CALR: variants seen among roughly 807,000 people sequenced by gnomAD.
CALR encodes the protein calreticulin.
Under a neutral mutation model 51.1 loss-of-function variants are expected in CALR, and 15 were observed. The ratio of observed to expected loss-of-function variants is 0.29; its 90% CI spans 0.20 to 0.45. The LOEUF is 0.45. Ranked by LOEUF, CALR falls within the 20% of genes least tolerant of loss-of-function variation. The pLI, the probability that CALR is intolerant of heterozygous loss-of-function variation, is 1.00. For synonymous variants in CALR, 239 were observed against 205.9 expected (o/e 1.16, Z -1.38); for missense variants, 477 against 530.6 (o/e 0.90, Z 0.99).
Position 12,938,631 on chromosome 19 carries a change from C to A in CALR, c.-49C>A, listed in dbSNP as rs552795097. On this transcript the variant is annotated 5_prime_UTR_variant, in exon 1 of 9. Transcript: ENST00000316448. The stretch of plus-strand genomic sequence containing the variant: ...TCCGTCCGTACTGCAGAGCCGCTGC[C>A]GGAGGGTCGTTTTAAAGGGCCCGCG... The A allele has an allele frequency of 1.4e-5, 20 of 1,431,026 alleles. No individual in the cohort carries two copies. The highest frequency in any genetic ancestry group is 1.9e-5 in the Admixed American group (1 of 53,284). The allele number at this position is 1,431,026 out of a possible 1,614,324, so 88.6% of individuals were successfully genotyped here.
rs1006657580 is a variant in CALR at position 12,939,250 on chromosome 19, G to T, written c.193+15G>T. 6.4e-7 allele frequency: 1 copy of T among 1,573,030 alleles called. No individual in the cohort carries two copies. Among genetic ancestry groups the T allele is most frequent in the Non-Finnish European group, 8.7e-7 (1 of 1,147,072 alleles). ...GAAAGATAAAGGTAAGAGCCTAGGA[G>T]TGGGTGCTCAGATCCGGGAGGACTT... On this transcript the variant is annotated intron_variant, in intron 2 of 8. Coordinates refer to ENST00000316448, the MANE Select transcript of CALR (RefSeq NM_004343.4).
rs1971580872 is a variant in CALR at position 12,943,727 on chromosome 19, A to G, written c.1068A>G (p.Gln356=). The change falls in exon 9 of 9, where the codon CAA becomes CAG. Residue 356 remains glutamine, a synonymous_variant. Coordinates refer to ENST00000316448, the MANE Select transcript of CALR (RefSeq NM_004343.4). ...TCTGCCTGCAGGCAGCAGAGAAACA[A>G]ATGAAGGACAAACAGGACGAGGAGC... The part of the protein sequence containing the change: ...TWGVTKAAEK[Q]MKDKQDEEQR... 6.2e-7 allele frequency: 1 copy of G among 1,613,804 alleles called. No homozygotes were observed. Among genetic ancestry groups the G allele is most frequent in the Admixed American group, 1.7e-5 (1 of 59,958 alleles).
chr19:12,939,814 G>A (rs1971521202), intron 3 of CALR, among the ~76,000 whole-genome samples, 183 bp downstream of exon 3: 1 of 152,030 alleles, frequency 6.6e-6, no homozygotes, highest in Non-Finnish European at 1.5e-5. Flanking sequence ...TTTGTATATA[G>A]TTATTTCCCA....
chr19:12,941,936 A>G (rs1002182121), intron 7 of CALR, among the ~76,000 whole-genome samples: 5 of 152,114 alleles, frequency 3.3e-5, no homozygotes, highest in African/African-American at 1.2e-4. Context: ...GCGAGATGTC[A>G]TGCATACCTG....
chr19:12,942,337 T>A (rs1971560257), intron 7 of CALR, among the ~76,000 whole-genome samples: 1 of 148,102 alleles, frequency 6.8e-6, no homozygotes. Context: ...CACTCCAGCC[T>A]GGGTGATAGC....
chr19:12,943,827 G>A lies in CALR; in HGVS notation c.1168G>A (p.Asp390Asn), dbSNP rs1971583972. The change falls in exon 9 of 9, where the codon GAC becomes AAC. Residue 390 changes from aspartate to asparagine, a missense_variant. Asp to Asn is a conservative substitution (Grantham distance 23, BLOSUM62 1). Coordinates refer to ENST00000316448, the MANE Select transcript of CALR (RefSeq NM_004343.4). Reference sequence around the variant, plus strand: ...GGCAGAGGACAAGGAGGATGATGAGGACAAAGATGAGGATGAGGAGGATGA... The same window carrying A: ...GGCAGAGGACAAGGAGGATGATGAGAACAAAGATGAGGATGAGGAGGATGA... Reference protein sequence around the residue: ...EEAEDKEDDEDKDEDEEDEED... With the variant: ...EEAEDKEDDENKDEDEEDEED... 1 of 1,580,428 alleles carries A rather than the reference G, an allele frequency of 6.3e-7. No homozygotes were observed. Among genetic ancestry groups the A allele is most frequent in the Non-Finnish European group, 8.6e-7 (1 of 1,162,830 alleles).
Position 12,943,898 on chromosome 19 carries a change from C to G in CALR, c.1239C>G (p.Ala413=). Residue 413 remains alanine (A), a synonymous_variant, in exon 9 of 9, where the codon GCC becomes GCG. Transcript: ENST00000316448. The stretch of plus-strand genomic sequence containing the variant: ...AGGAGGAAGATGTCCCCGGCCAGGC[C>G]AAGGACGAGCTGTAGAGAGGCCTGC... The part of the protein sequence containing the change: ...EDEEEDVPGQ[A]KDEL 6.2e-7 allele frequency: 1 copy of G among 1,600,288 alleles called. No individual in the cohort carries two copies. Among genetic ancestry groups the G allele is most frequent in the Non-Finnish European group, 8.5e-7 (1 of 1,174,608 alleles).
chr19:12,942,018 A>G (rs2146018246), intron 7 of CALR, among the ~76,000 whole-genome samples: 1 of 152,194 alleles, frequency 6.6e-6, no homozygotes, highest in East Asian at 1.9e-4. Context: ...AGCCATGATT[A>G]TGTCACTGCA....
rs150264068 is a variant in CALR, at chr19:12,943,851, G to A, written c.1192G>A (p.Glu398Lys). The A allele has an allele frequency of 2.5e-5, 39 of 1,581,528 alleles. No individual in the cohort carries two copies. In the African/African-American group the frequency reaches 5.0e-4, roughly 20 times the overall value. ...DEDKDEDEEDEEDKEEDEEED... is the reference protein window; with the variant it reads ...DEDKDEDEEDKEDKEEDEEED... ...GGACAAAGATGAGGATGAGGAGGAT[G>A]AGGAGGACAAGGAGGAAGATGAGGA... Residue 398 changes from glutamate to lysine, a missense_variant, in exon 9 of 9, where the codon GAG becomes AAG. By Grantham distance (56) the Glu-to-Lys change is moderately conservative. Coordinates refer to ENST00000316448, the MANE Select transcript of CALR (RefSeq NM_004343.4).
chr19:12,939,080 G>T, intron 1 of CALR, 54 bp from the exon 2 acceptor site: 3 of 1,035,560 alleles, frequency 2.9e-6, no homozygotes, highest in African/African-American at 3.1e-5. Flanking sequence ...GATGTTTGGT[G>T]TGGGGGGGGA....
Position 12,943,945 on chromosome 19 carries a change from T to C in CALR, c.*32T>C, listed in dbSNP as rs754052898. 14 of 1,603,300 alleles carry C rather than the reference T, an allele frequency of 8.7e-6. No homozygotes were observed. Among genetic ancestry groups the C allele is most frequent in the South Asian group, 1.1e-5 (1 of 89,142 alleles). On this transcript the variant is annotated 3_prime_UTR_variant, in exon 9 of 9. Transcript: ENST00000316448. ...CTGCCTCCAGGGCTGGACTGAGGCC[T>C]GAGCGCTCCTGCCGCAGAGCTGGCC...
rs754246591 is a variant in CALR at position 12,939,282 on chromosome 19, A to AG, written c.193+48dup. On this transcript the variant is annotated intron_variant, in intron 2 of 8. Coordinates refer to ENST00000316448, the MANE Select transcript of CALR (RefSeq NM_004343.4). ...CTCAGATCCGGGAGGACTTCCTGGC[A>AG]GAAGTCCTTGTCTGTACACACACAG... The AG allele has an allele frequency of 1.4e-4, 196 of 1,448,492 alleles. 2 individuals carry two copies. The Middle Eastern group carries it at 2.1e-3, about 15-fold the overall frequency. 89.7% of individuals were successfully genotyped at this position (1,448,492 alleles called of 1,614,324 possible). A position where few individuals can be genotyped will look rare whatever the true frequency, so the allele number is the denominator to read the frequency against.
At position 12,940,106 on chromosome 19, in the gene CALR, A is replaced by G. The variant is rs192388573; in HGVS notation, c.451A>G (p.Lys151Glu). The change falls in exon 4 of 9, where the codon AAG becomes GAG. Residue 151 changes from lysine to glutamate, a missense_variant. By Grantham distance (56) the Lys-to-Glu change is moderately conservative (BLOSUM62 1). Coordinates refer to ENST00000316448, the MANE Select transcript of CALR (RefSeq NM_004343.4). Reference protein sequence around the residue: ...TKKVHVIFNYKGKNVLINKDI... With the variant: ...TKKVHVIFNYEGKNVLINKDI... ...GAAGGTTCATGTCATCTTCAACTAC[A>G]AGGGCAAGAACGTGCTGATCAACAA... is the stretch of plus-strand genomic sequence containing the variant. 5 of 1,614,184 alleles carry G rather than the reference A, an allele frequency of 3.1e-6. No individual in the cohort carries two copies. Among genetic ancestry groups the G allele is most frequent in the Non-Finnish European group, 2.5e-6 (3 of 1,180,008 alleles).
rs1320543469 is a variant in CALR at position 12,940,535 on chromosome 19, C to A, written c.703-6C>A. ...GCCAACTCTGATCTCTTCATCTACC[C>A]CCCAGGACTGGGACAAGCCCGAGCA... On this transcript the variant is annotated splice_polypyrimidine_tract_variant and splice_region_variant and intron_variant, in intron 5 of 8. Transcript: ENST00000316448. 2 of 1,613,834 alleles carry A rather than the reference C, an allele frequency of 1.2e-6. No individual in the cohort carries two copies. Among genetic ancestry groups the A allele is most frequent in the South Asian group, 2.2e-5 (2 of 91,072 alleles).
rs757976423 is a variant in CALR at position 12,940,808 on chromosome 19, T to C, written c.881T>C (p.Ile294Thr). Residue 294 changes from isoleucine (I) to threonine (T), a missense_variant, in exon 7 of 9, where the codon ATT becomes ACT. Physicochemically the swap from Ile to Thr is moderately conservative, Grantham distance 89. Coordinates refer to ENST00000316448, the MANE Select transcript of CALR (RefSeq NM_004343.4). ...AAGGGCACTTGGATCCACCCAGAAA[T>C]TGACAACCCCGAGTATTCTCCCGAT... ...DYKGTWIHPE[I>T]DNPEYSPDPS... 1.2e-6 allele frequency: 2 copies of C among 1,613,928 alleles called. No homozygotes were observed. Among genetic ancestry groups the C allele is most frequent in the South Asian group, 2.2e-5 (2 of 91,078 alleles).
Position 12,940,629 on chromosome 19 carries a change from C to T in CALR, c.791C>T (p.Pro264Leu). Residue 264 changes from proline to leucine, a missense_variant, in exon 6 of 9, where the codon CCA becomes CTA. By Grantham distance (98) the Pro-to-Leu change is moderately conservative. Coordinates refer to ENST00000316448, the MANE Select transcript of CALR (RefSeq NM_004343.4). ...DEEMDGEWEP[P>L]VIQNPEYKGE... ...GAGATGGACGGAGAGTGGGAACCCC[C>T]AGTGATTCAGAACCCTGAGTACAAG... The T allele has an allele frequency of 1.9e-6, 3 of 1,614,156 alleles. No homozygotes were observed. The highest frequency in any genetic ancestry group is 8.5e-7 in the Non-Finnish European group (1 of 1,179,998).
rs531094913 is a variant in CALR at position 12,938,625 on chromosome 19, C to A, written c.-55C>A. On this transcript the variant is annotated 5_prime_UTR_variant, in exon 1 of 9. Transcript: ENST00000316448. ...GCGGCGTCCGTCCGTACTGCAGAGC[C>A]GCTGCCGGAGGGTCGTTTTAAAGGG... is the stretch of plus-strand genomic sequence containing the variant. The A allele has an allele frequency of 2.2e-6, 3 of 1,385,646 alleles. No individual in the cohort carries two copies. Among genetic ancestry groups the A allele is most frequent in the South Asian group, 1.2e-5 (1 of 81,894 alleles). The allele number at this position is 1,385,646 out of a possible 1,614,324, so 85.8% of individuals were successfully genotyped here.
intron 7 of CALR, among the ~76,000 whole-genome samples, chr19:12,941,871 T>C (rs1971552760): frequency 6.6e-6 from 1 of 151,848 alleles, no homozygotes; most frequent in African/African-American, 2.4e-5. Context: ...CCCAAAGTGC[T>C]GGGATTACAA....
Position 12,943,777 on chromosome 19 carries a change from A to C in CALR, c.1118A>C (p.Asp373Ala), listed in dbSNP as rs1339443654. 2 of 1,602,944 alleles carry C rather than the reference A, an allele frequency of 1.2e-6. No individual in the cohort carries two copies. Among genetic ancestry groups the C allele is most frequent in the Non-Finnish European group, 1.7e-6 (2 of 1,174,438 alleles). ...CAGAGGCTTAAGGAGGAGGAAGAAG[A>C]CAAGAAACGCAAAGAGGAGGAGGAG... ...EEQRLKEEEE[D>A]KKRKEEEEAE... The change falls in exon 9 of 9, where the codon GAC becomes GCC. Residue 373 changes from aspartate (D) to alanine (A), a missense_variant. Physicochemically the swap from Asp to Ala is moderately radical, Grantham distance 126. Coordinates refer to ENST00000316448, the MANE Select transcript of CALR (RefSeq NM_004343.4).
Sources: gnomAD v4.1 joint callset for allele counts (sites outside exome capture counted in the v4.1 genomes callset) on GRCh38, gnomAD v4.1.1 for gene constraint, MANE v1.5 for transcripts, NCBI Gene and HGNC (gene_info 2026-07-23, HGNC 2026-07-21) for gene names.